SLC9A2: variants seen among roughly 807,000 people sequenced by gnomAD.
SLC9A2 encodes solute carrier family 9 member A2.
Under a neutral mutation model 71.7 loss-of-function variants are expected in SLC9A2, and 42 were observed. That is an observed-to-expected ratio of 0.59 (90% CI 0.46 to 0.76). The LOEUF (loss-of-function observed/expected upper bound fraction) is 0.76. Ranked by LOEUF, SLC9A2 falls within the 30% of genes least tolerant of loss-of-function variation. The pLI is 0.00. For synonymous variants in SLC9A2, 396 were observed against 392.5 expected (o/e 1.01, Z -0.10); for missense variants, 829 against 1,017.4 (o/e 0.81, Z 2.52).
Position 102,698,024 on chromosome 2 carries a change from C to T in SLC9A2, c.1586+2911C>T, listed in dbSNP as rs929137505. Among the ~76,000 whole-genome samples, 19 of 152,212 alleles carry T rather than the reference C, an allele frequency of 1.2e-4. No individual in the cohort carries two copies. The East Asian group carries it at 1.4e-3, about 11-fold the overall frequency. On this transcript the variant is annotated intron_variant, in intron 7 of 11. Coordinates refer to ENST00000233969, the MANE Select transcript of SLC9A2 (RefSeq NM_003048.6). ...AGGTGTGGAAATGAAGCAAGGAAAA[C>T]GCACTATCCCTACACGAAATAGAGC...
At position 102,708,417 on chromosome 2, in the gene SLC9A2, G is replaced by A. The variant is rs1431454381; in HGVS notation, c.2367G>A (p.Pro789=). The A allele has an allele frequency of 8.7e-6, 14 of 1,614,194 alleles. No homozygotes were observed. The highest frequency in any genetic ancestry group is 1.1e-5 in the South Asian group (1 of 91,086). ...DSLTEGIPPK[P]PPRLVWRASE... ...TGACTGAAGGCATCCCGCCCAAGCC[G>A]CCACCACGGCTGGTCTGGAGGGCAT... The change falls in exon 12 of 12, where the codon CCG becomes CCA. Residue 789 remains proline, a synonymous_variant. Coordinates refer to ENST00000233969, the MANE Select transcript of SLC9A2 (RefSeq NM_003048.6).
chr2:102,656,426 A>G (rs987688085), intron 1 of SLC9A2, among the ~76,000 whole-genome samples: 1 of 152,196 alleles, frequency 6.6e-6, no homozygotes, highest in African/African-American at 2.4e-5. Context: ...TCCTAAGCAG[A>G]CTTCCTCTTC....
chr2:102,688,284 G>T (rs1223520134), intron 5 of SLC9A2, among the ~76,000 whole-genome samples: 2 of 152,170 alleles, frequency 1.3e-5, no homozygotes, highest in African/African-American at 4.8e-5. Context: ...CTCTAAGCCT[G>T]CTTTTTGCAG....
At chr2:102,668,710 GGA>G (rs1677190042) in intron 3 of SLC9A2, among the ~76,000 whole-genome samples, 1 of 152,162 alleles carries the variant, frequency 6.6e-6, no homozygotes, top group African/African-American at 2.4e-5. Flanking sequence ...TGCTAGGCGG[GGA>G]GAGAGGTTAA....
At chr2:102,646,378 A>G (rs1676723983) in intron 1 of SLC9A2, among the ~76,000 whole-genome samples, 9 of 152,186 alleles carry the variant, frequency 5.9e-5, no homozygotes, top group Admixed American at 5.2e-4. Context: ...ATGATACTGT[A>G]AAGAAACTGC....
At chr2:102,621,244 A>C (rs2104492307) in intron 1 of SLC9A2, among the ~76,000 whole-genome samples, 2 of 150,712 alleles carry the variant, frequency 1.3e-5, no homozygotes, top group Admixed American at 1.3e-4. Context: ...CTGAGGCGGG[A>C]GCCTGAGGGA....
intron 1 of SLC9A2, among the ~76,000 whole-genome samples, chr2:102,622,403 C>T (rs1428106672): frequency 6.6e-6 from 1 of 152,174 alleles, no homozygotes; most frequent in African/African-American, 2.4e-5. Context: ...TTCTCTGTTG[C>T]CATTTCTATT....
chr2:102,632,031 TATATATAC>T lies in SLC9A2; in HGVS notation c.289+11898_289+11905del, dbSNP rs1177569168. ...ATATATATATATATATATATATATATATATATACATACACACACACATATATATACACA... is the reference window on the plus strand; with the variant it reads ...ATATATATATATATATATATATATATATACACACACACATATATATACACA... On this transcript the variant is annotated intron_variant, in intron 1 of 11. Coordinates refer to ENST00000233969, the MANE Select transcript of SLC9A2 (RefSeq NM_003048.6). 6.8e-3 allele frequency among the ~76,000 whole-genome samples: 520 copies of T among 76,096 alleles called. 12 individuals carry two copies. Among genetic ancestry groups the T allele is most frequent in the African/African-American group, 0.024 (497 of 20,298 alleles). The allele number at this position is 76,096 out of a possible 152,430, so 49.9% of individuals were successfully genotyped here.
chr2:102,670,771 C>G (rs540323031), intron 3 of SLC9A2, among the ~76,000 whole-genome samples: 3 of 150,774 alleles, frequency 2.0e-5, no homozygotes, highest in South Asian at 4.2e-4. Flanking sequence ...ATCATCTGCT[C>G]TCTTCTTCCT....
chr2:102,634,598 T>C (rs1676431861), intron 1 of SLC9A2, among the ~76,000 whole-genome samples: 1 of 152,228 alleles, frequency 6.6e-6, no homozygotes, highest in African/African-American at 2.4e-5. Flanking sequence ...ATTTGCTCCA[T>C]AGCAAGTTGT....
chr2:102,670,849 C>CTTTTTTTTTTTTTTTTTTTTT (rs10687841), intron 3 of SLC9A2, among the ~76,000 whole-genome samples: 1 of 75,890 alleles, frequency 1.3e-5, no homozygotes, highest in Non-Finnish European at 2.4e-5. Context: ...GGAAGGCATG[C>CTTTTTTTTTTTTTTTTTTTTT]TTTTTTTTTT....
At chr2:102,653,369 C>T (rs865916613) in intron 1 of SLC9A2, among the ~76,000 whole-genome samples, 2 of 152,142 alleles carry the variant, frequency 1.3e-5, no homozygotes, top group South Asian at 2.1e-4. Flanking sequence ...GTTGCTGTTC[C>T]TCTCTGATTT....
chr2:102,691,094 G>T (rs1677653249), intron 5 of SLC9A2, among the ~76,000 whole-genome samples: 1 of 152,044 alleles, frequency 6.6e-6, no homozygotes, highest in Admixed American at 6.6e-5. Context: ...TGGGAGGAAA[G>T]CAGAGATGGA....
At chr2:102,633,194 G>A (rs1272812516) in intron 1 of SLC9A2, among the ~76,000 whole-genome samples, 1 of 152,120 alleles carries the variant, frequency 6.6e-6, no homozygotes, top group Non-Finnish European at 1.5e-5. Flanking sequence ...TGGAAGGTAG[G>A]CACCATTATT....
At position 102,665,293 on chromosome 2, in the gene SLC9A2, T is replaced by C. The variant is rs769183057; in HGVS notation, c.947T>C (p.Leu316Pro). The C allele has an allele frequency of 1.9e-6, 3 of 1,614,128 alleles. No homozygotes were observed. The highest frequency in any genetic ancestry group is 2.5e-6 in the Non-Finnish European group (3 of 1,179,982). ...IRVIEPLFVFLYSYLSYITAE... is the reference protein window; with the variant it reads ...IRVIEPLFVFPYSYLSYITAE... ...GTGATCGAGCCACTGTTTGTTTTCC[T>C]GTACAGTTATTTGTCCTACATCACA... Residue 316 changes from leucine (L) to proline (P), a missense_variant, in exon 3 of 12, where the codon CTG becomes CCG. Coordinates refer to ENST00000233969, the MANE Select transcript of SLC9A2 (RefSeq NM_003048.6).
chr2:102,690,458 G>A (rs1451727199), intron 5 of SLC9A2, among the ~76,000 whole-genome samples: 2 of 152,148 alleles, frequency 1.3e-5, no homozygotes, highest in Non-Finnish European at 2.9e-5. Context: ...GAAAGGAGGT[G>A]GTGGCCAGAG....
In SLC9A2 at chr2:102,708,246, G is replaced by T; in HGVS notation, c.2196G>T (p.Lys732Asn). 1 of 1,614,178 alleles carries T rather than the reference G, an allele frequency of 6.2e-7. No homozygotes were observed. ...KSPQSYKMEW[K>N]NEVDVDSGRD... Reference sequence around the variant, plus strand: ...CCCAGTCCTATAAAATGGAATGGAAGAATGAGGTAGATGTTGATTCTGGCC... The same window carrying T: ...CCCAGTCCTATAAAATGGAATGGAATAATGAGGTAGATGTTGATTCTGGCC... Residue 732 changes from lysine to asparagine, a missense_variant, in exon 12 of 12, where the codon AAG (lysine) becomes AAT (asparagine). Physicochemically the swap from Lys to Asn is moderately conservative, Grantham distance 94. Coordinates refer to ENST00000233969, the MANE Select transcript of SLC9A2 (RefSeq NM_003048.6).
rs563556239 is a variant in SLC9A2 at position 102,693,534 on chromosome 2, T to C, written c.1426-880T>C. 7.2e-5 allele frequency among the ~76,000 whole-genome samples: 11 copies of C among 152,356 alleles called. No individual in the cohort carries two copies. The East Asian group carries it at 1.9e-3, about 27-fold the overall frequency. On this transcript the variant is annotated intron_variant, in intron 5 of 11. Transcript: ENST00000233969. ...TCCTCCTAGTTTACTGAAGAGCTGATAGTTCTCCACATTTCCGGAGTTCAC... is the reference window on the plus strand; with the variant it reads ...TCCTCCTAGTTTACTGAAGAGCTGACAGTTCTCCACATTTCCGGAGTTCAC...
chr2:102,704,405 T>G (rs1408335609), intron 9 of SLC9A2, 139 bp from the exon 10 acceptor site: 6 of 585,784 alleles, frequency 1.0e-5, no homozygotes, highest in African/African-American at 3.8e-5. Context: ...TTAATTTAAT[T>G]TTTTGCTCTG....
Sources: gnomAD v4.1 joint callset for allele counts (sites outside exome capture counted in the v4.1 genomes callset) on GRCh38, gnomAD v4.1.1 for gene constraint, MANE v1.5 for transcripts, NCBI Gene and HGNC (gene_info 2026-07-23, HGNC 2026-07-21) for gene names.